MYH9: variants seen among roughly 807,000 people sequenced by gnomAD.
MYH9 encodes the protein myosin-9.
MYH9 carries 29 observed loss-of-function variants against 241.9 expected under a neutral mutation model. That is an observed-to-expected ratio of 0.12 (90% confidence interval 0.09 to 0.16). The LOEUF (loss-of-function observed/expected upper bound fraction) is 0.16, where lower values mean the gene tolerates loss of function less well. Ranked by LOEUF, MYH9 falls within the 10% of genes least tolerant of loss-of-function variation. The probability of loss-of-function intolerance (pLI) is 1.00; values close to 1 mark genes in which losing one functional copy is unlikely to be tolerated. For missense variants in MYH9, 1,803 were observed against 2,595.5 expected (o/e 0.69, Z 6.63); for synonymous variants, 1,047 against 1,062.6 (o/e 0.99, Z 0.29).
intron 3 of MYH9, 84 bp from the exon 4 acceptor site, chr22:36,327,572 G>T: frequency 1.3e-6 from 2 of 1,498,236 alleles, no homozygotes; most frequent in Admixed American, 1.7e-5. Flanking sequence ...CCGTTTCCCA[G>T]ACAGGGAGCA....
In MYH9 at chr22:36,303,890, A is replaced by T. The variant is rs373364276; in HGVS notation, c.2390+105T>A. 36 of 1,362,774 alleles carry T rather than the reference A, an allele frequency of 2.6e-5. No individual in the cohort carries two copies. The African/African-American group carries it at 2.9e-4, about 11-fold the overall frequency. The allele number at this position is 1,362,774 out of a possible 1,614,324, so 84.4% of individuals were successfully genotyped here. On this transcript the variant is annotated intron_variant, in intron 19 of 40. Transcript: ENST00000216181. ...GAAGAGCCACCTGGGCCTCCCTGAC[A>T]GGCATGTGACTGGCTGCAGCGGGGT... is the stretch of plus-strand genomic sequence containing the variant.
chr22:36,318,383 A>C (rs2017194015), intron 10 of MYH9, 58 bp from the exon 11 acceptor site: 1 of 1,368,236 alleles, frequency 7.3e-7, no homozygotes, highest in Non-Finnish European at 1.0e-6. Flanking sequence ...CCCAAGAGAG[A>C]AAGTTCTAAT....
chr22:36,309,133 C>T (rs1342994858), intron 15 of MYH9, 149 bp downstream of exon 15: 1 of 768,772 alleles, frequency 1.3e-6, no homozygotes, highest in Non-Finnish European at 2.3e-6. Flanking sequence ...GGAGCCCTCT[C>T]TCATGGGAGC....
At position 36,285,086 on chromosome 22, in the gene MYH9, G is replaced by C. The variant is rs1446380017; in HGVS notation, c.5483+35C>G. ...GCAGGGGGGCCAGAGTTTTTTCCAG[G>C]ACAGCTGGGGTTGGGCGGGGCCAGG... On this transcript the variant is annotated intron_variant, in intron 38 of 40. Transcript: ENST00000216181. This position sits in a 1 kb window ranked among gnomAD's most constrained non-coding sequence, Gnocchi z 7.0. 36 of 1,604,278 alleles carry C rather than the reference G, an allele frequency of 2.2e-5. No individual in the cohort carries two copies. The highest frequency in any genetic ancestry group is 3.0e-5 in the Non-Finnish European group (35 of 1,173,418).
Position 36,305,239 on chromosome 22 carries a change from A to G in MYH9, c.2160-137T>C. On this transcript the variant is annotated intron_variant, in intron 17 of 40. Coordinates refer to ENST00000216181, the MANE Select transcript of MYH9 (RefSeq NM_002473.6). This position sits in a 1 kb window ranked among gnomAD's most constrained non-coding sequence, Gnocchi z 4.7. ...TTTACACAAACTCTCCTAAGGAAAG[A>G]AGACACAGGCAAATCCCACCCCACT... 1.2e-6 allele frequency: 1 copy of G among 815,864 alleles called. No homozygotes were observed. The highest frequency in any genetic ancestry group is 1.4e-5 in the South Asian group (1 of 69,136). The allele number at this position is 815,864 out of a possible 1,614,324, so 50.5% of individuals were successfully genotyped here. A position where few individuals can be genotyped will look rare whatever the true frequency, so the allele number is the denominator to read the frequency against.
At chr22:36,382,152 T>A (rs1013122415) in intron 1 of MYH9, among the ~76,000 whole-genome samples, 11 of 151,242 alleles carry the variant, frequency 7.3e-5, no homozygotes, top group Admixed American at 5.9e-4. Context: ...AAAAAGAGGG[T>A]TGTACAATAT....
intron 18 of MYH9, 142 bp from the exon 19 acceptor site, chr22:36,304,297 C>T (rs2016935443): frequency 1.2e-6 from 1 of 843,588 alleles, no homozygotes; most frequent in African/African-American, 1.7e-5. Flanking sequence ...AAGCCATCTC[C>T]TCTCCCTCCT....
chr22:36,325,151 G>GGAGGGAGAGAGGGATGGAGAGAGA (rs1220576201), intron 5 of MYH9: 1 of 755,108 alleles, frequency 1.3e-6, no homozygotes, highest in East Asian at 2.5e-5. Context: ...TCGGGGGTAG[G>GGAGGGAGAGAGGGATGGAGAGAGA]GAGGGAGAGA....
intron 31 of MYH9, among the ~76,000 whole-genome samples, chr22:36,290,784 C>G (rs1173185829): frequency 6.6e-6 from 1 of 150,782 alleles, no homozygotes. Flanking sequence ...ATGTGGGGAG[C>G]GCCTCTGCCC....
At chr22:36,354,562 G>C (rs2017821243) in intron 1 of MYH9, among the ~76,000 whole-genome samples, 1 of 151,550 alleles carries the variant, frequency 6.6e-6, no homozygotes, top group South Asian at 2.1e-4. Flanking sequence ...CTCCGCTGCA[G>C]CCTCCCGAGT....
At position 36,300,814 on chromosome 22, in the gene MYH9, C is replaced by G. The variant is rs774522843; in HGVS notation, c.2838+37G>C. ...TGCTCCTCCGCCCCGCCCTGCCCCT[C>G]CGGCGCCACCCCTCCCCGGGTGCAG... On this transcript the variant is annotated intron_variant, in intron 22 of 40. Transcript: ENST00000216181. This position sits in a 1 kb window ranked among gnomAD's most constrained non-coding sequence, Gnocchi z 5.0. 1.3e-5 allele frequency: 21 copies of G among 1,598,162 alleles called. No individual in the cohort carries two copies. The highest frequency in any genetic ancestry group is 1.8e-5 in the Non-Finnish European group (21 of 1,179,342).
chr22:36,355,676 G>A (rs772220740), intron 1 of MYH9, among the ~76,000 whole-genome samples: 41 of 152,280 alleles, frequency 2.7e-4, no homozygotes, highest in Middle Eastern at 3.4e-3. Flanking sequence ...ATAATTTCAT[G>A]AGGCACATAC....
chr22:36,346,168 A>G (rs1348849245), intron 2 of MYH9, among the ~76,000 whole-genome samples: 1 of 144,662 alleles, frequency 6.9e-6, no homozygotes, highest in Non-Finnish European at 1.5e-5. Context: ...AAAAAAAAAA[A>G]GAAGGCTGGG....
intron 2 of MYH9, among the ~76,000 whole-genome samples, chr22:36,348,388 A>G (rs2017711782): frequency 6.6e-6 from 1 of 151,048 alleles, no homozygotes; most frequent in African/African-American, 2.4e-5. Flanking sequence ...AGGTGCCTAT[A>G]ATCCCAGCTA....
chr22:36,376,790 G>A (rs963841316), intron 1 of MYH9, among the ~76,000 whole-genome samples: 1 of 152,150 alleles, frequency 6.6e-6, no homozygotes, highest in South Asian at 2.1e-4. Context: ...CTGGCTGGGC[G>A]CAGTGGCTCA....
chr22:36,383,985 G>C (rs1010547541), intron 1 of MYH9, among the ~76,000 whole-genome samples: 1 of 150,190 alleles, frequency 6.7e-6, no homozygotes, highest in Non-Finnish European at 1.5e-5. Flanking sequence ...AGTGGGCGAG[G>C]GGGTGCTGGG....
intron 1 of MYH9, among the ~76,000 whole-genome samples, chr22:36,360,302 A>C (rs530587097): frequency 2.0e-5 from 3 of 152,128 alleles, no homozygotes; most frequent in South Asian, 2.1e-4. Flanking sequence ...TAAAGACAGC[A>C]ATTTGCAGAG....
At position 36,301,445 on chromosome 22, in the gene MYH9, A is replaced by G. The variant is rs1423956483; in HGVS notation, c.2631+89T>C. The G allele has an allele frequency of 1.4e-5, 22 of 1,566,720 alleles. No homozygotes were observed. In the African/African-American group the frequency reaches 2.7e-4, roughly 19 times the overall value. ...GTAGAAAACTCCTATAGTAATAGAA[A>G]CTTCCAGCATGCCGTGCCTACCGAT... On this transcript the variant is annotated intron_variant, in intron 21 of 40. Coordinates refer to ENST00000216181, the MANE Select transcript of MYH9 (RefSeq NM_002473.6).
chr22:36,371,662 A>G (rs139184801), intron 1 of MYH9, among the ~76,000 whole-genome samples: 101 of 152,094 alleles, frequency 6.6e-4, no homozygotes, highest in Middle Eastern at 3.4e-3. Flanking sequence ...TCAGCCTCCC[A>G]AGTAGCTGGG....
Sources: allele counts gnomAD v4.1 joint callset (sites outside exome capture counted in the v4.1 genomes callset), GRCh38; gene constraint gnomAD v4.1.1; non-coding constraint Gnocchi (gnomAD v3.1); transcripts MANE v1.5; gene names NCBI Gene and HGNC (gene_info 2026-07-23, HGNC 2026-07-21).